The following GRM8 variants were observed in gnomAD, a reference collection of about 807,000 sequenced individuals.
GRM8 encodes the protein glutamate metabotropic receptor 8, also known as metabotropic glutamate receptor 8.
Under a neutral mutation model 87.2 loss-of-function variants are expected in GRM8, and 47 were observed. The observed-to-expected ratio is 0.54, with a 90% confidence interval of 0.43 to 0.69. The LOEUF is 0.69. Among genes scored for constraint, GRM8 ranks in the 30% least tolerant of loss-of-function variants. GRM8 has a pLI of 0.00. For synonymous variants in GRM8, 396 were observed against 404.5 expected, an observed-to-expected ratio of 0.98 and a Z score of 0.25; for missense variants, 1,019 against 1,139.2, an observed-to-expected ratio of 0.89 and a Z score of 1.52.
At position 126,477,593 on chromosome 7, in the gene GRM8, A is replaced by AAGAAAGAAAG. The variant is rs1554446051; in HGVS notation, c.2431-31231_2431-31222dup. ...AAAGAAAGAAAGAGAGAAAGAAAGA[A>AAGAAAGAAAG]AGAAAGAAAGAAAGAAAGAAAGAAA... On this transcript the variant is annotated intron_variant, in intron 9 of 10. Transcript: ENST00000339582. Among the ~76,000 whole-genome samples, 108 of 65,490 alleles carry AAGAAAGAAAG rather than the reference A, an allele frequency of 1.6e-3. 1 individual carries two copies. The highest frequency in any genetic ancestry group is 4.7e-3 in the African/African-American group (103 of 21,722). 43.0% of individuals were successfully genotyped at this position (65,490 alleles called of 152,430 possible). A position where few individuals can be genotyped will look rare whatever the true frequency, so the allele number is the denominator to read the frequency against.
chr7:127,149,627 C>T (rs1266508978), intron 2 of GRM8, among the ~76,000 whole-genome samples: 1 of 152,082 alleles, frequency 6.6e-6, no homozygotes, highest in Non-Finnish European at 1.5e-5. Flanking sequence ...TTCATTGCAG[C>T]ATTATTCCCA....
intron 2 of GRM8, among the ~76,000 whole-genome samples, chr7:127,237,258 A>G (rs1798032600): frequency 1.3e-5 from 2 of 152,212 alleles, no homozygotes; most frequent in African/African-American, 4.8e-5. Context: ...GAAGAAGTCC[A>G]TCTCCCAATA....
chr7:126,966,488 A>T (rs965364651), intron 3 of GRM8, among the ~76,000 whole-genome samples: 1 of 152,184 alleles, frequency 6.6e-6, no homozygotes, highest in Admixed American at 6.6e-5. Context: ...AAAGGAAAAC[A>T]ATAGTAGGCA....
At chr7:126,534,018 T>G (rs996289490) in intron 8 of GRM8, 131 bp from the exon 9 acceptor site, 2 of 679,606 alleles carry the variant, frequency 2.9e-6, no homozygotes, top group African/African-American at 1.8e-5. Context: ...AAGAGTCTCG[T>G]TTTTTTTCCC....
At chr7:127,104,619 T>C (rs1825641970) in intron 3 of GRM8, among the ~76,000 whole-genome samples, 1 of 152,104 alleles carries the variant, frequency 6.6e-6, no homozygotes, top group Non-Finnish European at 1.5e-5. Context: ...AGAACTGAAA[T>C]AGAATGGACA....
chr7:126,547,490 T>C (rs1031182685), intron 8 of GRM8, among the ~76,000 whole-genome samples: 6 of 151,854 alleles, frequency 4.0e-5, no homozygotes, highest in African/African-American at 4.8e-5. Context: ...TTCATTATTA[T>C]TCATAATAAA....
rs78114193 is a variant in GRM8 at position 126,535,381 on chromosome 7, G to A, written c.1495-1494C>T. Among the ~76,000 whole-genome samples, 1,043 of 152,282 alleles carry A rather than the reference G, an allele frequency of 6.8e-3. 11 individuals are homozygous for A. Among genetic ancestry groups the A allele is most frequent in the African/African-American group, 0.024 (999 of 41,552 alleles). On this transcript the variant is annotated intron_variant, in intron 8 of 10. Transcript: ENST00000339582. The stretch of plus-strand genomic sequence containing the variant: ...GCAGGACAGACGAGCCCCAAAGTGG[G>A]ACCAAGCCTGCCAGAATTCTTGGCT...
At position 126,645,843 on chromosome 7, in the gene GRM8, G is replaced by A. The variant is rs115451771; in HGVS notation, c.1358-36345C>T. ...TCTCTCACTCGGCTCAACAAATAGT[G>A]CCCCTCTTCTACCTCCTACTAAATC... On this transcript the variant is annotated intron_variant, in intron 7 of 10. Coordinates refer to ENST00000339582, the MANE Select transcript of GRM8 (RefSeq NM_000845.3). Among the ~76,000 whole-genome samples the A allele has an allele frequency of 4.2e-3, 634 of 152,192 alleles. 3 individuals carry two copies. Among genetic ancestry groups the A allele is most frequent in the African/African-American group, 0.015 (602 of 41,500 alleles).
At chr7:126,687,614 A>T (rs775300810) in intron 7 of GRM8, among the ~76,000 whole-genome samples, 1 of 150,770 alleles carries the variant, frequency 6.6e-6, no homozygotes, top group Non-Finnish European at 1.5e-5. Flanking sequence ...TGTAACCAAG[A>T]ATGGAATTGG....
chr7:127,243,018 G>T lies in GRM8; in HGVS notation c.187C>A (p.Pro63Thr). 6.2e-7 allele frequency: 1 copy of T among 1,613,816 alleles called. No individual in the cohort carries two copies. The highest frequency in any genetic ancestry group is 1.1e-5 in the South Asian group (1 of 91,078). ...TTTTCCTTCTTCAGCTCCCCACAAG[G>T]CACCCCTCTCTCTCCCTTTGCGTGG... The part of the protein sequence containing the change: ...PVHAKGERGV[P>T]CGELKKEKGI... Residue 63 changes from proline (P) to threonine (T), a missense_variant, in exon 2 of 11, where the codon CCT becomes ACT. By Grantham distance (38) the Pro-to-Thr change is conservative. Coordinates refer to ENST00000339582, the MANE Select transcript of GRM8 (RefSeq NM_000845.3).
chr7:126,768,866 CA>C (rs1250196994), intron 7 of GRM8, among the ~76,000 whole-genome samples: 2 of 148,078 alleles, frequency 1.4e-5, no homozygotes, highest in Non-Finnish European at 3.0e-5. Flanking sequence ...TATTCTGCCA[CA>C]GACGATGTGT....
intron 6 of GRM8, among the ~76,000 whole-genome samples, chr7:126,901,123 G>A (rs1264229252): frequency 6.6e-6 from 1 of 152,050 alleles, no homozygotes; most frequent in Non-Finnish European, 1.5e-5. Flanking sequence ...ATTCACTCTT[G>A]CTCCAACCTC....
chr7:126,439,846 G>GTGTGTGTC, intron 10 of GRM8, among the ~76,000 whole-genome samples: 1 of 151,712 alleles, frequency 6.6e-6, no homozygotes, highest in East Asian at 2.0e-4. Context: ...GTGTGTGTGT[G>GTGTGTGTC]TGTGTGTGTG....
chr7:126,557,206 T>C (rs1793237355), intron 8 of GRM8, among the ~76,000 whole-genome samples: 4 of 152,182 alleles, frequency 2.6e-5, no homozygotes, highest in Admixed American at 6.5e-5. Context: ...CAATAGAGTA[T>C]ATTTAAGAAG....
At chr7:126,504,067 A>C (rs2150709586) in intron 9 of GRM8, among the ~76,000 whole-genome samples, 1 of 151,984 alleles carries the variant, frequency 6.6e-6, no homozygotes, top group East Asian at 1.9e-4. Context: ...TATCTTCACT[A>C]ATATTTTCCT....
chr7:126,860,104 A>G (rs1798027227), intron 6 of GRM8, among the ~76,000 whole-genome samples: 2 of 152,204 alleles, frequency 1.3e-5, no homozygotes, highest in South Asian at 4.1e-4. Flanking sequence ...TGAGGGAACA[A>G]AAGGACAAAT....
intron 6 of GRM8, among the ~76,000 whole-genome samples, chr7:126,790,991 C>A (rs1385913467): frequency 6.6e-6 from 1 of 152,030 alleles, no homozygotes; most frequent in Non-Finnish European, 1.5e-5. Context: ...CTCTTTGATA[C>A]CACCAGGGGG....
chr7:126,691,706 TG>T (rs1808832257), intron 7 of GRM8, among the ~76,000 whole-genome samples: 1 of 152,084 alleles, frequency 6.6e-6, no homozygotes, highest in African/African-American at 2.4e-5. Context: ...GGCATAATAC[TG>T]GGGCCCCCAC....
At chr7:126,712,992 T>G (rs1186221492) in intron 7 of GRM8, among the ~76,000 whole-genome samples, 1 of 152,118 alleles carries the variant, frequency 6.6e-6, no homozygotes, top group Non-Finnish European at 1.5e-5. Flanking sequence ...TTACACTGTT[T>G]TGGTGGGAGT....
Sources: gnomAD v4.1 joint callset for allele counts (sites outside exome capture counted in the v4.1 genomes callset) on GRCh38, gnomAD v4.1.1 for gene constraint, MANE v1.5 for transcripts, NCBI Gene and HGNC (gene_info 2026-07-23, HGNC 2026-07-21) for gene names.